MAP3K5: variants seen among roughly 807,000 people sequenced by gnomAD.
MAP3K5 encodes ASK-1.
A neutral mutation model predicts 158.7 loss-of-function variants in MAP3K5; 56 were observed. The ratio of observed to expected loss-of-function variants is 0.35; its 90% confidence interval spans 0.28 to 0.44. The LOEUF (loss-of-function observed/expected upper bound fraction) is 0.44, where lower values mean the gene tolerates loss of function less well. MAP3K5 is among the 20% of genes least tolerant of loss of function. MAP3K5 has a pLI of 1.00. For synonymous variants in MAP3K5, 579 were observed against 601.7 expected (o/e 0.96, Z 0.55); for missense variants, 1,294 against 1,674.8 (o/e 0.77, Z 3.97).
chr6:136,677,905 T>C (rs1252172002), intron 7 of MAP3K5, among the ~76,000 whole-genome samples: 1 of 152,204 alleles, frequency 6.6e-6, no homozygotes, highest in African/African-American at 2.4e-5. Context: ...GTACAAGGCA[T>C]TGAATGAGAC....
At chr6:136,603,069 AATT>A (rs1775947220) in intron 19 of MAP3K5, among the ~76,000 whole-genome samples, 2 of 152,124 alleles carry the variant, frequency 1.3e-5, no homozygotes, top group African/African-American at 4.8e-5. Context: ...AACAATATAT[AATT>A]ATTTGTAAGA....
chr6:136,587,434 C>T (rs1775187223), intron 23 of MAP3K5, among the ~76,000 whole-genome samples: 1 of 152,182 alleles, frequency 6.6e-6, no homozygotes, highest in Non-Finnish European at 1.5e-5. Context: ...TGATAGCAAG[C>T]TTATAAAGTA....
intron 7 of MAP3K5, among the ~76,000 whole-genome samples, chr6:136,690,273 T>C (rs1264850124): frequency 6.6e-6 from 1 of 152,208 alleles, no homozygotes; most frequent in Non-Finnish European, 1.5e-5. Context: ...TACTGTACTC[T>C]GTATCCTTCT....
chr6:136,739,852 C>G (rs1024770143), intron 1 of MAP3K5, among the ~76,000 whole-genome samples: 2 of 152,182 alleles, frequency 1.3e-5, no homozygotes, highest in Non-Finnish European at 2.9e-5. Context: ...GTAGATCCCC[C>G]CATTCATTCT....
At chr6:136,561,199 C>T (rs1046769182) in intron 28 of MAP3K5, among the ~76,000 whole-genome samples, 1 of 152,132 alleles carries the variant, frequency 6.6e-6, no homozygotes, top group Non-Finnish European at 1.5e-5. Context: ...CCACACCCCT[C>T]CTGAACATAC....
chr6:136,720,394 C>T (rs939785629), intron 2 of MAP3K5, 56 bp downstream of exon 2: 15 of 1,466,810 alleles, frequency 1.0e-5, no homozygotes, highest in African/African-American at 4.3e-5. Flanking sequence ...GATGACAAAC[C>T]GGTATCCCTG....
chr6:136,597,142 T>C (rs1775669252), intron 21 of MAP3K5, among the ~76,000 whole-genome samples: 2 of 152,102 alleles, frequency 1.3e-5, no homozygotes, highest in African/African-American at 4.8e-5. Flanking sequence ...TCTAAGGAGA[T>C]GATTCTCATT....
At chr6:136,706,475 G>A (rs1278916283) in intron 2 of MAP3K5, among the ~76,000 whole-genome samples, 1 of 152,190 alleles carries the variant, frequency 6.6e-6, no homozygotes, top group Non-Finnish European at 1.5e-5. Flanking sequence ...TTGTATCAAG[G>A]CTTCACTGAG....
chr6:136,701,031 G>A (rs773973182), intron 3 of MAP3K5, among the ~76,000 whole-genome samples: 8 of 152,160 alleles, frequency 5.3e-5, no homozygotes, highest in Non-Finnish European at 8.8e-5. Context: ...TAAGTCAGTG[G>A]GTCACAACCT....
At chr6:136,770,569 T>C (rs993972267) in intron 1 of MAP3K5, among the ~76,000 whole-genome samples, 1 of 152,128 alleles carries the variant, frequency 6.6e-6, no homozygotes, top group African/African-American at 2.4e-5. Context: ...AAGAGTCAAG[T>C]GTAAAAATAA....
intron 12 of MAP3K5, among the ~76,000 whole-genome samples, chr6:136,640,795 C>A (rs1376062028): frequency 6.6e-6 from 1 of 152,204 alleles, no homozygotes; most frequent in East Asian, 1.9e-4. Context: ...TGACGCAAGG[C>A]AAGCTGCTGA....
rs748086396 is a variant in MAP3K5 at position 136,642,505 on chromosome 6, A to G, written c.1838+15T>C. ...AATGTCTTATAAGTTAACAAAATGTACCAAGGAAACTTACCTCACTCCCCT... is the reference window on the plus strand; with the variant it reads ...AATGTCTTATAAGTTAACAAAATGTGCCAAGGAAACTTACCTCACTCCCCT... On this transcript the variant is annotated intron_variant, in intron 12 of 29. Transcript: ENST00000359015. The G allele has an allele frequency of 6.3e-7, 1 of 1,590,454 alleles. No homozygotes were observed. Among genetic ancestry groups the G allele is most frequent in the African/African-American group, 1.3e-5 (1 of 74,322 alleles).
rs3765258 is a variant in MAP3K5, at chr6:136,622,925, A to G, written c.2073T>C (p.Tyr691=). The change falls in exon 15 of 30, where the codon TAT becomes TAC. Residue 691 remains tyrosine, a synonymous_variant. Coordinates refer to ENST00000359015, the MANE Select transcript of MAP3K5 (RefSeq NM_005923.4). ...GDRVVLGKGT[Y]GIVYAGRDLS... ...AGTCCCGACCTGCGTAGACTATCCCATAAGTGCCTTTTCCTAAAACGACTC... is the reference window on the plus strand; with the variant it reads ...AGTCCCGACCTGCGTAGACTATCCCGTAAGTGCCTTTTCCTAAAACGACTC... The G allele has an allele frequency of 0.03, 47,783 of 1,603,288 alleles. 4,644 individuals carry two copies. The highest frequency in any genetic ancestry group is 0.27 in the African/African-American group (20,100 of 74,720).
At chr6:136,687,079 T>C (rs959643894) in intron 7 of MAP3K5, among the ~76,000 whole-genome samples, 5 of 152,102 alleles carry the variant, frequency 3.3e-5, no homozygotes, top group African/African-American at 7.2e-5. Context: ...AACAGATACA[T>C]AGACCAATGG....
intron 7 of MAP3K5, among the ~76,000 whole-genome samples, chr6:136,671,790 A>ATT (rs566616523): frequency 2.2e-5 from 3 of 137,016 alleles, no homozygotes; most frequent in East Asian, 4.2e-4. Flanking sequence ...ATTTTTTTGT[A>ATT]TTTTTTTTTT....
At chr6:136,594,610 A>C (rs1376010483) in intron 21 of MAP3K5, among the ~76,000 whole-genome samples, 1 of 152,226 alleles carries the variant, frequency 6.6e-6, no homozygotes, top group Non-Finnish European at 1.5e-5. Context: ...AGTGGAACTC[A>C]CTGCTGATCC....
intron 2 of MAP3K5, among the ~76,000 whole-genome samples, chr6:136,717,071 A>C (rs967188915): frequency 1.3e-5 from 2 of 151,940 alleles, no homozygotes; most frequent in Admixed American, 1.3e-4. Context: ...GGTTGCAGTG[A>C]GCTGAGATTG....
chr6:136,674,320 T>TA lies in MAP3K5; in HGVS notation c.1254-4926dup, dbSNP rs558507852. 2.6e-5 allele frequency among the ~76,000 whole-genome samples: 4 copies of TA among 152,120 alleles called. No homozygotes were observed. In the South Asian group the frequency reaches 8.3e-4, roughly 31 times the overall value. ...CTAGATCTAAAATATAAAAATTATT[T>TA]AAAATCTATTGATTATTTAAACTGC... On this transcript the variant is annotated intron_variant, in intron 7 of 29. Coordinates refer to ENST00000359015, the MANE Select transcript of MAP3K5 (RefSeq NM_005923.4).
chr6:136,568,599 G>C (rs1287877316), intron 25 of MAP3K5, among the ~76,000 whole-genome samples: 1 of 152,114 alleles, frequency 6.6e-6, no homozygotes, highest in Non-Finnish European at 1.5e-5. Flanking sequence ...TTGTGGCTGG[G>C]CACAGTGGCT....
Sources: gnomAD v4.1 joint callset for allele counts (sites outside exome capture counted in the v4.1 genomes callset) on GRCh38, gnomAD v4.1.1 for gene constraint, MANE v1.5 for transcripts, NCBI Gene and HGNC (gene_info 2026-07-23, HGNC 2026-07-21) for gene names.